The following EFCC1 variants were observed in gnomAD, a reference collection of about 807,000 sequenced individuals.
The protein encoded by EFCC1 is EF-hand and coiled-coil domain-containing protein 1.
Under a neutral mutation model 52.1 loss-of-function variants are expected in EFCC1, and 50 were observed. The observed-to-expected ratio is 0.96, with a 90% CI of 0.76 to 1.21. EFCC1 has a LOEUF of 1.21. Among genes scored for constraint, EFCC1 ranks in the 50% most tolerant of loss-of-function variants. The pLI is 0.00. For missense variants in EFCC1, 837 were observed against 867.3 expected (o/e 0.97, Z 0.44); for synonymous variants, 399 against 396.5 (o/e 1.01, Z -0.08).
chr3:129,036,203 G>C (rs1446490498), intron 5 of EFCC1, among the ~76,000 whole-genome samples: 4 of 152,226 alleles, frequency 2.6e-5, no homozygotes, highest in Non-Finnish European at 5.9e-5. Context: ...AAGGAAACAG[G>C]GCTTGGAGGA....
chr3:129,037,040 A>C lies in EFCC1; in HGVS notation c.1516A>C (p.Thr506Pro). 1 of 1,613,832 alleles carries C rather than the reference A, an allele frequency of 6.2e-7. No homozygotes were observed. Among genetic ancestry groups the C allele is most frequent in the Non-Finnish European group, 8.5e-7 (1 of 1,179,984 alleles). The part of the protein sequence containing the change: ...HLRLELQMVE[T>P]ERVRLSLLEE... ...GAGGCTGGAGCTGCAGATGGTAGAG[A>C]CCGAGAGGGTGCGGCTGTCCCTGCT... The change falls in exon 6 of 8, where the codon ACC (threonine) becomes CCC (proline). Residue 506 changes from threonine to proline, a missense_variant. Thr to Pro is a conservative substitution (Grantham distance 38). Coordinates refer to ENST00000683648, the MANE Select transcript of EFCC1 (RefSeq NM_001377500.1).
Position 129,040,104 on chromosome 3 carries a change from T to G in EFCC1, c.*256T>G. 2.2e-6 allele frequency: 1 copy of G among 446,102 alleles called. No individual in the cohort carries two copies. 27.6% of individuals were successfully genotyped at this position (446,102 alleles called of 1,614,324 possible). A position where few individuals can be genotyped will look rare whatever the true frequency, so the allele number is the denominator to read the frequency against. Reference sequence around the variant, plus strand: ...GCCACCAGAGTCCACATTAAAGCCCTGCAGTTGCTGGATCAGCCTGCACCT... The same window carrying G: ...GCCACCAGAGTCCACATTAAAGCCCGGCAGTTGCTGGATCAGCCTGCACCT... On this transcript the variant is annotated 3_prime_UTR_variant, in exon 8 of 8. Coordinates refer to ENST00000683648, the MANE Select transcript of EFCC1 (RefSeq NM_001377500.1). The surrounding 1 kb of genome is among the most constrained non-coding windows in gnomAD (Gnocchi z 4.4).
Position 129,014,991 on chromosome 3 carries a change from C to T in EFCC1, c.980+10914C>T, listed in dbSNP as rs530104644. The stretch of plus-strand genomic sequence containing the variant: ...CCCACCACCCAGCCCAGCCCCAGCA[C>T]CACTCCTGGACAGCTGTCCTAGCCT... On this transcript the variant is annotated intron_variant, in intron 2 of 7. Transcript: ENST00000683648. This position sits in a 1 kb window ranked among gnomAD's most constrained non-coding sequence, Gnocchi z 4.3. Among the ~76,000 whole-genome samples the T allele has an allele frequency of 3.3e-5, 5 of 152,298 alleles. 1 individual carries two copies. In the South Asian group the frequency reaches 6.2e-4, roughly 19 times the overall value.
intron 2 of EFCC1, among the ~76,000 whole-genome samples, chr3:129,013,208 T>C (rs769368194): frequency 6.6e-6 from 1 of 152,094 alleles, no homozygotes; most frequent in Non-Finnish European, 1.5e-5. Context: ...GTTTTGACGG[T>C]ACAGCCTTGG....
chr3:129,037,146 A>C (rs1416833502), intron 6 of EFCC1, 29 bp downstream of exon 6: 1 of 1,579,936 alleles, frequency 6.3e-7, no homozygotes, highest in African/African-American at 1.3e-5. Flanking sequence ...TGCCACACTC[A>C]GGGAAGGGAA....
chr3:129,030,990 T>A, intron 3 of EFCC1, 130 bp downstream of exon 3: 1 of 1,257,150 alleles, frequency 8.0e-7, no homozygotes, highest in Non-Finnish European at 1.1e-6. Flanking sequence ...TCCCACCAGG[T>A]GCTCAGGCTG....
At chr3:129,019,888 C>G (rs1405459639) in intron 2 of EFCC1, among the ~76,000 whole-genome samples, 11 of 151,452 alleles carry the variant, frequency 7.3e-5, no homozygotes, top group Middle Eastern at 3.4e-3. Context: ...CCTGCCTCAG[C>G]CTCCCAAGTA....
chr3:129,011,434 C>T (rs1304110436), intron 2 of EFCC1, among the ~76,000 whole-genome samples: 1 of 151,984 alleles, frequency 6.6e-6, no homozygotes, highest in Non-Finnish European at 1.5e-5. Context: ...GCCTGTAATC[C>T]CAGCTACTTG....
Position 129,038,914 on chromosome 3 carries a change from C to G in EFCC1, c.1663+14C>G, listed in dbSNP as rs773135739. 2 of 1,612,896 alleles carry G rather than the reference C, an allele frequency of 1.2e-6. No homozygotes were observed. Among genetic ancestry groups the G allele is most frequent in the South Asian group, 2.2e-5 (2 of 91,052 alleles). On this transcript the variant is annotated intron_variant, in intron 7 of 7. Transcript: ENST00000683648. ...ACCCCACCCACGGTAGGAGAGCACC[C>G]TAGTCTCTCAGAGCCCACGCAGTGG...
intron 2 of EFCC1, among the ~76,000 whole-genome samples, chr3:129,012,694 C>T (rs1056203540): frequency 6.6e-6 from 1 of 152,138 alleles, no homozygotes; most frequent in African/African-American, 2.4e-5. Flanking sequence ...AGTTGGGTGG[C>T]CATAGAAGTG....
At position 129,006,800 on chromosome 3, in the gene EFCC1, C is replaced by G. The variant is rs567302358; in HGVS notation, c.980+2723C>G. Reference sequence around the variant, plus strand: ...CCCCTCTAGAAACATGCCTTCAACCCTACCTTGCCCGGGGGGCTGACCTCC... The same window carrying G: ...CCCCTCTAGAAACATGCCTTCAACCGTACCTTGCCCGGGGGGCTGACCTCC... On this transcript the variant is annotated intron_variant, in intron 2 of 7. Coordinates refer to ENST00000683648, the MANE Select transcript of EFCC1 (RefSeq NM_001377500.1). Among the ~76,000 whole-genome samples, 3 of 152,280 alleles carry G rather than the reference C, an allele frequency of 2.0e-5. No homozygotes were observed. The East Asian group carries it at 5.8e-4, about 29-fold the overall frequency.
Position 129,001,571 on chromosome 3 carries a change from A to G in EFCC1, c.-58A>G. 2 of 1,346,820 alleles carry G rather than the reference A, an allele frequency of 1.5e-6. No individual in the cohort carries two copies. Among genetic ancestry groups the G allele is most frequent in the Non-Finnish European group, 1.9e-6 (2 of 1,055,352 alleles). 83.4% of individuals were successfully genotyped at this position (1,346,820 alleles called of 1,614,324 possible). A position where few individuals can be genotyped will look rare whatever the true frequency, so the allele number is the denominator to read the frequency against. ...GAGAAACTCTGGGGCCGCCCCTGGA[A>G]GTGGCGGGGCGAAGGGACCGGAGGA... On this transcript the variant is annotated 5_prime_UTR_variant, in exon 1 of 8. Transcript: ENST00000683648.
rs1944920952 is a variant in EFCC1 at position 129,003,789 on chromosome 3, C to G, written c.697-5C>G. On this transcript the variant is annotated splice_polypyrimidine_tract_variant and splice_region_variant and intron_variant, in intron 1 of 7. Transcript: ENST00000683648. ...CCCCCTGCCCCTGCTGCCCTGTCCC[C>G]GCAGGTCGGACTCTGGAAGAGCCAG... 12 of 1,440,406 alleles carry G rather than the reference C, an allele frequency of 8.3e-6. No individual in the cohort carries two copies. Among genetic ancestry groups the G allele is most frequent in the Non-Finnish European group, 1.0e-5 (11 of 1,101,886 alleles). 89.2% of individuals were successfully genotyped at this position (1,440,406 alleles called of 1,614,324 possible).
intron 5 of EFCC1, among the ~76,000 whole-genome samples, chr3:129,035,501 C>T (rs1033211894): frequency 1.3e-5 from 2 of 152,252 alleles, no homozygotes; most frequent in African/African-American, 4.8e-5. Context: ...TGCATGAAAT[C>T]AGAGACCAAG....
chr3:129,002,018 C>T lies in EFCC1; in HGVS notation c.390C>T (p.Arg130=). 1.3e-6 allele frequency: 2 copies of T among 1,545,596 alleles called. No individual in the cohort carries two copies. The highest frequency in any genetic ancestry group is 1.7e-6 in the Non-Finnish European group (2 of 1,145,108). ...DGDSDTDEEA[R]LALRAEPPEL... is the part of the protein sequence containing the mutation. Reference sequence around the variant, plus strand: ...ACTCAGATACCGATGAAGAGGCGCGCCTGGCGCTGCGCGCCGAGCCGCCGG... The same window carrying T: ...ACTCAGATACCGATGAAGAGGCGCGTCTGGCGCTGCGCGCCGAGCCGCCGG... The change falls in exon 1 of 8, where the codon CGC becomes CGT. Residue 130 remains arginine, a synonymous_variant. Coordinates refer to ENST00000683648, the MANE Select transcript of EFCC1 (RefSeq NM_001377500.1).
chr3:129,003,011 G>T lies in EFCC1; in HGVS notation c.696+687G>T, dbSNP rs531086590. Among the ~76,000 whole-genome samples the T allele has an allele frequency of 9.2e-5, 14 of 152,268 alleles. No homozygotes were observed. In the South Asian group the frequency reaches 1.2e-3, roughly 14 times the overall value. On this transcript the variant is annotated intron_variant, in intron 1 of 7. Transcript: ENST00000683648. ...CAAACACTTAAGCACTGTGCCAGCC[G>T]AGCACCAAGGGCAGTGCTGGGCCGC... is the stretch of plus-strand genomic sequence containing the variant.
At position 129,001,942 on chromosome 3, in the gene EFCC1, CCA is replaced by C. The variant is rs1320527483; in HGVS notation, c.315_316del (p.Asp107CysfsTer9). 1 of 1,543,238 alleles carries C rather than the reference CCA, an allele frequency of 6.5e-7. No homozygotes were observed. The highest frequency in any genetic ancestry group is 1.4e-5 in the African/African-American group (1 of 72,116). On this transcript the variant is annotated frameshift_variant, in exon 1 of 8. Transcript: ENST00000683648. LOFTEE classifies it high-confidence loss of function. ...GGGCAGGCAGCAGGTGACGGGAACT[CCA>C]GAGATGTGACCCCCGGGGATGCGGC...
chr3:129,030,049 G>C (rs1350634366), intron 2 of EFCC1, among the ~76,000 whole-genome samples: 2 of 151,952 alleles, frequency 1.3e-5, no homozygotes, highest in Non-Finnish European at 2.9e-5. Context: ...AGCTGGGTGT[G>C]GTGGCGCATA....
At chr3:129,023,001 G>A (rs752793882) in intron 2 of EFCC1, among the ~76,000 whole-genome samples, 10 of 152,204 alleles carry the variant, frequency 6.6e-5, no homozygotes, top group Non-Finnish European at 1.3e-4. Flanking sequence ...GAACAGCCTC[G>A]GGTTCAGAGG....
Sources: allele counts gnomAD v4.1 joint callset (sites outside exome capture counted in the v4.1 genomes callset), GRCh38; gene constraint gnomAD v4.1.1; non-coding constraint Gnocchi (gnomAD v3.1); transcripts MANE v1.5; gene names NCBI Gene and HGNC (gene_info 2026-07-23, HGNC 2026-07-21).